The following ZNF565 variants were observed in gnomAD, a reference collection of about 807,000 sequenced individuals.
ZNF565 encodes the protein zinc finger protein 565.
Under a neutral mutation model 39.4 loss-of-function variants are expected in ZNF565, and 27 were observed. The observed-to-expected ratio is 0.69, with a 90% CI of 0.51 to 0.95. The LOEUF is 0.95. Among genes scored for constraint, ZNF565 ranks in the 40% least tolerant of loss-of-function variants. The pLI is 0.00. For synonymous variants in ZNF565, 185 were observed against 216.6 expected, an observed-to-expected ratio of 0.85 and a Z score of 1.28; for missense variants, 524 against 621.1, an observed-to-expected ratio of 0.84 and a Z score of 1.66.
At chr19:36,238,520 T>C (rs957374752) in intron 1 of ZNF565, 26 of 167,094 alleles carry the variant, frequency 1.6e-4, no homozygotes, top group Non-Finnish European at 2.9e-4. Flanking sequence ...TTCTGGATTG[T>C]GGTATAGGGA....
intron 1 of ZNF565, among the ~76,000 whole-genome samples, chr19:36,222,066 A>C (rs1250989608): frequency 6.7e-6 from 1 of 150,118 alleles, no homozygotes; most frequent in Non-Finnish European, 1.5e-5. Context: ...TGTAGCTGGG[A>C]CCACAGGCAC....
intron 4 of ZNF565, among the ~76,000 whole-genome samples, chr19:36,191,332 T>C (rs868716766): frequency 3.5e-4 from 50 of 143,386 alleles, no homozygotes; most frequent in Middle Eastern, 3.5e-3. Context: ...TTTTTTTTTT[T>C]CCCGAGATGG....
chr19:36,186,544 T>C (rs1421415050), intron 4 of ZNF565, among the ~76,000 whole-genome samples: 1 of 152,076 alleles, frequency 6.6e-6, no homozygotes, highest in Non-Finnish European at 1.5e-5. Flanking sequence ...TCCCAGCACT[T>C]TAGGAGGCTG....
chr19:36,212,911 A>C (rs945501141), intron 1 of ZNF565: 1 of 152,228 alleles, frequency 6.6e-6, no homozygotes, highest in East Asian at 1.9e-4. Context: ...CAGAGAAATA[A>C]GAATAAAACC....
Position 36,183,110 on chromosome 19 carries a change from T to G in ZNF565, c.856A>C (p.Lys286Gln). ...EKPYVCKDCG[K>Q]AFIRGSQLTV... ...AGTTGGGAGCCACGAATGAAAGCCT[T>G]GCCACAGTCTTTACATACGTAGGGT... Residue 286 changes from lysine (K) to glutamine (Q), a missense_variant, in exon 5 of 5, where the codon AAG (lysine) becomes CAG (glutamine). Lys to Gln is a moderately conservative substitution (Grantham distance 53). Coordinates refer to ENST00000304116, the MANE Select transcript of ZNF565 (RefSeq NM_152477.5). 2 of 1,614,208 alleles carry G rather than the reference T, an allele frequency of 1.2e-6. No individual in the cohort carries two copies. The highest frequency in any genetic ancestry group is 4.5e-5 in the East Asian group (2 of 44,882).
intron 1 of ZNF565, among the ~76,000 whole-genome samples, chr19:36,213,854 G>T (rs1976470133): frequency 6.6e-6 from 1 of 151,780 alleles, no homozygotes; most frequent in Non-Finnish European, 1.5e-5. Context: ...TACCTTTCCA[G>T]TCACAATATC....
intron 1 of ZNF565, chr19:36,236,829 G>C: frequency 6.2e-7 from 1 of 1,614,176 alleles, no homozygotes; most frequent in Non-Finnish European, 8.5e-7. Context: ...CCCTTTGTAT[G>C]TAAGGAGTGT....
intron 1 of ZNF565, among the ~76,000 whole-genome samples, chr19:36,233,646 C>G (rs1421749445): frequency 6.6e-6 from 1 of 152,130 alleles, no homozygotes; most frequent in Non-Finnish European, 1.5e-5. Context: ...GTCTCTGCAT[C>G]ATAAACAAGG....
Position 36,187,660 on chromosome 19 carries a change from C to CA in ZNF565, c.233-3928dup, listed in dbSNP as rs1427727018. On this transcript the variant is annotated intron_variant, in intron 4 of 4. Transcript: ENST00000304116. ...CATGAGCCATGGTGCCCGGCCGAGACAGAGTCTTGCTCTGTCGCCTAGGCT... is the reference window on the plus strand; with the variant it reads ...CATGAGCCATGGTGCCCGGCCGAGACAAGAGTCTTGCTCTGTCGCCTAGGCT... Among the ~76,000 whole-genome samples, 103 of 150,738 alleles carry CA rather than the reference C, an allele frequency of 6.8e-4. 1 individual carries two copies. Among genetic ancestry groups the CA allele is most frequent in the Admixed American group, 3.0e-3 (46 of 15,122 alleles).
At chr19:36,233,302 G>A (rs1280372379) in intron 1 of ZNF565, among the ~76,000 whole-genome samples, 1 of 152,134 alleles carries the variant, frequency 6.6e-6, no homozygotes, top group Admixed American at 6.5e-5. Flanking sequence ...ATCACTTGAA[G>A]CCAGGAGGCC....
chr19:36,187,669 GCT>G (rs1568411161), intron 4 of ZNF565, among the ~76,000 whole-genome samples: 1 of 144,904 alleles, frequency 6.9e-6, no homozygotes, highest in African/African-American at 2.6e-5. Flanking sequence ...ACAGAGTCTT[GCT>G]CTGTCGCCTA....
chr19:36,211,449 TCACACACA>T (rs370230430), intron 1 of ZNF565, among the ~76,000 whole-genome samples: 13 of 137,772 alleles, frequency 9.4e-5, no homozygotes, highest in East Asian at 4.5e-4. Context: ...CAACTCTCTC[TCACACACA>T]CACACACACA....
intron 1 of ZNF565, among the ~76,000 whole-genome samples, chr19:36,211,382 G>T (rs150124825): frequency 0.031 from 4,704 of 151,328 alleles, 211 homozygotes; most frequent in African/African-American, 0.11. Context: ...GGCAGAGGCT[G>T]CAGTGAGCTG....
chr19:36,237,286 C>T, intron 1 of ZNF565: 2 of 1,609,728 alleles, frequency 1.2e-6, no homozygotes, highest in South Asian at 1.1e-5. Context: ...AGAAGTCACA[C>T]CACATTAGAC....
rs1297375163 is a variant in ZNF565 at position 36,211,353 on chromosome 19, G to C, written c.-66+3269C>G. Among the ~76,000 whole-genome samples, 3 of 151,822 alleles carry C rather than the reference G, an allele frequency of 2.0e-5. No homozygotes were observed. The East Asian group carries it at 5.8e-4, about 29-fold the overall frequency. ...AGAAACTTGGGAGGCTGAGGCAGGA[G>C]AATCGCTTGAATCCAGGAGGCAGAG... On this transcript the variant is annotated intron_variant, in intron 1 of 4. Coordinates refer to ENST00000304116, the MANE Select transcript of ZNF565 (RefSeq NM_152477.5).
intron 1 of ZNF565, among the ~76,000 whole-genome samples, chr19:36,206,922 G>A (rs1015290582): frequency 2.0e-5 from 3 of 152,176 alleles, no homozygotes; most frequent in Non-Finnish European, 4.4e-5. Context: ...AGGGAGTTTT[G>A]GAGGAAGAGA....
rs770729228 is a variant in ZNF565, at chr19:36,183,135, T to C, written c.831A>G (p.Lys277=). ...ILHQRTHTGE[K]PYVCKDCGKA... ...TGCCACAGTCTTTACATACGTAGGG[T>C]TTCTCGCCTGTGTGAGTTCTTTGAT... Residue 277 remains lysine, a synonymous_variant, in exon 5 of 5, where the codon AAA becomes AAG. Transcript: ENST00000304116. 6.2e-7 allele frequency: 1 copy of C among 1,614,110 alleles called. No homozygotes were observed. The highest frequency in any genetic ancestry group is 8.5e-7 in the Non-Finnish European group (1 of 1,180,026).
intron 1 of ZNF565, among the ~76,000 whole-genome samples, chr19:36,234,547 G>A (rs1290411729): frequency 6.6e-6 from 1 of 152,014 alleles, no homozygotes; most frequent in Admixed American, 6.6e-5. Context: ...CTGGTTGCTC[G>A]CCACCACGCC....
At chr19:36,209,200 G>A (rs1012477711) in intron 1 of ZNF565, among the ~76,000 whole-genome samples, 32 of 152,098 alleles carry the variant, frequency 2.1e-4, no homozygotes, top group Middle Eastern at 3.2e-3. Flanking sequence ...AACATTATTG[G>A]TTACTGAAAT....
Sources: gnomAD v4.1 joint callset for allele counts (sites outside exome capture counted in the v4.1 genomes callset) on GRCh38, gnomAD v4.1.1 for gene constraint, MANE v1.5 for transcripts, NCBI Gene and HGNC (gene_info 2026-07-23, HGNC 2026-07-21) for gene names.